NELL2: variants seen among roughly 807,000 people sequenced by gnomAD.
NELL2 encodes neural EGFL like 2.
Under a neutral mutation model 109.6 loss-of-function variants are expected in NELL2, and 41 were observed. That is an observed-to-expected ratio of 0.37 (90% confidence interval 0.29 to 0.49). NELL2 has a LOEUF of 0.49. Among genes scored for constraint, NELL2 ranks in the 20% least tolerant of loss-of-function variants. NELL2 has a pLI of 0.98. For missense variants in NELL2, 900 were observed against 1,008.3 expected, an observed-to-expected ratio of 0.89 and a Z score of 1.45; for synonymous variants, 355 against 344.7, an observed-to-expected ratio of 1.03 and a Z score of -0.33.
intron 9 of NELL2, among the ~76,000 whole-genome samples, chr12:44,723,403 C>T (rs753921321): frequency 6.6e-6 from 1 of 152,052 alleles, no homozygotes; most frequent in Non-Finnish European, 1.5e-5. Flanking sequence ...CCTTTTTATC[C>T]TATGTTATCT....
At chr12:44,667,277 A>G (rs942695938) in intron 12 of NELL2, among the ~76,000 whole-genome samples, 1 of 152,238 alleles carries the variant, frequency 6.6e-6, no homozygotes, top group African/African-American at 2.4e-5. Context: ...CCAAAAACCC[A>G]TTCCAAATTC....
At chr12:44,890,707 T>C (rs1249207756) in intron 1 of NELL2, among the ~76,000 whole-genome samples, 2 of 151,780 alleles carry the variant, frequency 1.3e-5, no homozygotes, top group Non-Finnish European at 2.9e-5. Context: ...TATTTTTCTT[T>C]ATTTTCTTTA....
At chr12:44,672,595 A>G (rs753981163) in intron 12 of NELL2, among the ~76,000 whole-genome samples, 1 of 152,214 alleles carries the variant, frequency 6.6e-6, no homozygotes, top group Non-Finnish European at 1.5e-5. Context: ...ACTCATAAGT[A>G]TGTGTGAAAT....
Position 44,558,870 on chromosome 12 carries a change from G to A in NELL2, c.1664-26149C>T, listed in dbSNP as rs189104980. The stretch of plus-strand genomic sequence containing the variant: ...AGGGGCTGAAGCCAGGGAGCCAAGT[G>A]GTCTAGCTCAGCGGATCCCACTCCC... On this transcript the variant is annotated intron_variant, in intron 15 of 19. Coordinates refer to ENST00000429094, the MANE Select transcript of NELL2 (RefSeq NM_001145108.2). Among the ~76,000 whole-genome samples, 122 of 152,244 alleles carry A rather than the reference G, an allele frequency of 8.0e-4. 1 individual carries two copies. The highest frequency in any genetic ancestry group is 1.1e-3 in the Non-Finnish European group (74 of 68,024).
chr12:44,889,168 A>G (rs780960535), intron 1 of NELL2, among the ~76,000 whole-genome samples: 1 of 152,026 alleles, frequency 6.6e-6, no homozygotes, highest in African/African-American at 2.4e-5. Flanking sequence ...AAATAATGGT[A>G]ATTTAAATCA....
intron 2 of NELL2, among the ~76,000 whole-genome samples, chr12:44,844,974 C>A (rs1944329806): frequency 6.6e-6 from 1 of 152,094 alleles, no homozygotes; most frequent in Admixed American, 6.5e-5. Context: ...TCCAGCCTAT[C>A]CCTTGCTGAA....
At chr12:44,676,755 A>G (rs879393396) in intron 12 of NELL2, among the ~76,000 whole-genome samples, 29 of 152,144 alleles carry the variant, frequency 1.9e-4, no homozygotes, top group Non-Finnish European at 3.5e-4. Flanking sequence ...GGAAAATCTC[A>G]GACAGGGTTG....
intron 13 of NELL2, among the ~76,000 whole-genome samples, chr12:44,657,949 T>C (rs1490282227): frequency 1.3e-5 from 2 of 152,228 alleles, no homozygotes; most frequent in African/African-American, 2.4e-5. Flanking sequence ...TGCGTGTGCA[T>C]GTGTCTTTAT....
rs539711691 is a variant in NELL2, at chr12:44,839,349, A to T, written c.185-23213T>A. On this transcript the variant is annotated intron_variant, in intron 2 of 19. Coordinates refer to ENST00000429094, the MANE Select transcript of NELL2 (RefSeq NM_001145108.2). ...AATAATGGCGATAAATAAAAACAAG[A>T]CTATATTGGAAGAAACAAAAATGAC... Among the ~76,000 whole-genome samples the T allele has an allele frequency of 1.1e-4, 17 of 152,288 alleles. No individual in the cohort carries two copies. In the East Asian group the frequency reaches 2.9e-3, roughly 26 times the overall value.
chr12:44,573,923 TG>T (rs1943966718), intron 15 of NELL2, among the ~76,000 whole-genome samples: 1 of 152,236 alleles, frequency 6.6e-6, no homozygotes, highest in Non-Finnish European at 1.5e-5. Flanking sequence ...CAGTTTGGCA[TG>T]GCTGGCATCT....
At position 44,629,680 on chromosome 12, in the gene NELL2, A is replaced by G. The variant is rs368361916; in HGVS notation, c.1445-18710T>C. ...TTATTTTCCTCATTCATTTTTACAA[A>G]TATCATGGTAATTGAAACAAAATGC... On this transcript the variant is annotated intron_variant, in intron 13 of 19. Transcript: ENST00000429094. 2.0e-5 allele frequency among the ~76,000 whole-genome samples: 3 copies of G among 152,226 alleles called. No individual in the cohort carries two copies. The East Asian group carries it at 5.8e-4, about 29-fold the overall frequency.
chr12:44,653,394 A>G (rs903520704), intron 13 of NELL2, among the ~76,000 whole-genome samples: 1 of 152,192 alleles, frequency 6.6e-6, no homozygotes, highest in East Asian at 1.9e-4. Flanking sequence ...GTTATTATCC[A>G]CAAGCTAAAT....
chr12:44,892,432 G>A (rs1945544897), intron 1 of NELL2, among the ~76,000 whole-genome samples: 1 of 152,074 alleles, frequency 6.6e-6, no homozygotes, highest in Non-Finnish European at 1.5e-5. Context: ...AGTTTTCATG[G>A]ATCATTTCCT....
chr12:44,550,005 T>C (rs1350363018), intron 15 of NELL2, among the ~76,000 whole-genome samples: 3 of 152,030 alleles, frequency 2.0e-5, no homozygotes, highest in African/African-American at 7.2e-5. Context: ...ATTACAAAAA[T>C]AGCAATCAAA....
chr12:44,808,091 GT>G (rs1175265880), intron 3 of NELL2, among the ~76,000 whole-genome samples: 6 of 152,056 alleles, frequency 3.9e-5, no homozygotes, highest in Non-Finnish European at 7.4e-5. Context: ...TACCCAAAAT[GT>G]GTAATGAAAG....
intron 2 of NELL2, among the ~76,000 whole-genome samples, chr12:44,829,299 C>G (rs940190208): frequency 6.6e-6 from 1 of 152,054 alleles, no homozygotes; most frequent in Non-Finnish European, 1.5e-5. Flanking sequence ...CTGTTGATCC[C>G]GACTCAATAC....
At chr12:44,567,662 A>G (rs1035813341) in intron 15 of NELL2, among the ~76,000 whole-genome samples, 3 of 152,188 alleles carry the variant, frequency 2.0e-5, no homozygotes, top group African/African-American at 7.2e-5. Flanking sequence ...GACACTATTC[A>G]TATTACTTTT....
intron 12 of NELL2, among the ~76,000 whole-genome samples, chr12:44,702,529 G>T (rs189011083): frequency 1.6e-4 from 25 of 152,244 alleles, no homozygotes; most frequent in African/African-American, 6.0e-4. Flanking sequence ...TAAACTACCA[G>T]AGGGGCTTGT....
intron 13 of NELL2, among the ~76,000 whole-genome samples, chr12:44,621,884 C>T (rs113079525): frequency 1.5e-3 from 224 of 152,096 alleles, no homozygotes; most frequent in African/African-American, 4.8e-3. Context: ...AATGTGGTAA[C>T]GTCTGGAAAG....
Sources: allele counts gnomAD v4.1 joint callset (sites outside exome capture counted in the v4.1 genomes callset), GRCh38; gene constraint gnomAD v4.1.1; transcripts MANE v1.5; gene names NCBI Gene and HGNC (gene_info 2026-07-23, HGNC 2026-07-21).